FBLN2: variants seen among roughly 807,000 people sequenced by gnomAD.
The protein encoded by FBLN2 is fibulin 2.
Under a neutral mutation model 123.7 loss-of-function variants are expected in FBLN2, and 81 were observed. That is an observed-to-expected ratio of 0.65 (90% CI 0.55 to 0.79). FBLN2 has a LOEUF of 0.79. Ranked by LOEUF, FBLN2 falls within the 30% of genes least tolerant of loss-of-function variation. The pLI, the probability that FBLN2 is intolerant of heterozygous loss-of-function variation, is 0.00. For synonymous variants in FBLN2, 699 were observed against 701.4 expected (o/e 1.00, Z 0.05); for missense variants, 1,603 against 1,681.3 (o/e 0.95, Z 0.81).
chr3:13,575,080 C>T (rs1006279430), intron 2 of FBLN2, among the ~76,000 whole-genome samples: 14 of 152,260 alleles, frequency 9.2e-5, no homozygotes, highest in Middle Eastern at 6.8e-3. Context: ...TGAGGACAGA[C>T]GGTGACTAAT....
Position 13,603,720 on chromosome 3 carries a change from A to T in FBLN2, c.1307-4342A>T, listed in dbSNP as rs1405710186. Among the ~76,000 whole-genome samples the T allele has an allele frequency of 5.3e-5, 8 of 152,308 alleles. No homozygotes were observed. The East Asian group carries it at 1.5e-3, about 29-fold the overall frequency. Reference sequence around the variant, plus strand: ...ATACGTGTGCATGTGTCTTTATAGCAGCATGATTTATAATCCTTTGGGTAT... The same window carrying T: ...ATACGTGTGCATGTGTCTTTATAGCTGCATGATTTATAATCCTTTGGGTAT... On this transcript the variant is annotated intron_variant, in intron 2 of 17. Transcript: ENST00000404922.
intron 5 of FBLN2, among the ~76,000 whole-genome samples, chr3:13,614,509 A>G (rs1016843541): frequency 1.3e-5 from 2 of 151,234 alleles, no homozygotes; most frequent in Non-Finnish European, 2.9e-5. Flanking sequence ...CCATCCTCCC[A>G]TCCTCTTGTC....
intron 1 of FBLN2, among the ~76,000 whole-genome samples, chr3:13,549,578 C>G (rs1703268171): frequency 6.6e-6 from 1 of 150,776 alleles, no homozygotes; most frequent in Non-Finnish European, 1.5e-5. Flanking sequence ...CTGCCCACCC[C>G]CACCCCGACC....
chr3:13,566,258 C>T (rs1007518014), intron 1 of FBLN2, among the ~76,000 whole-genome samples: 2 of 152,172 alleles, frequency 1.3e-5, no homozygotes, highest in East Asian at 1.9e-4. Flanking sequence ...GCTGGAGCTC[C>T]CAGGAGGGGC....
In FBLN2 at chr3:13,621,903, A is replaced by G. The variant is rs1705865384; in HGVS notation, c.2284A>G (p.Arg762Gly). ...CADGYILNAH[R>G]KCVDINECVT... ...CGATGGCTATATCCTCAATGCGCAC[A>G]GGAAGTGCGTGGGTAAGCCAGGGCC... Residue 762 changes from arginine to glycine, a missense_variant, in exon 9 of 18, where the codon AGG becomes GGG. Coordinates refer to ENST00000404922, the MANE Select transcript of FBLN2 (RefSeq NM_001004019.2). 5 of 1,613,040 alleles carry G rather than the reference A, an allele frequency of 3.1e-6. No homozygotes were observed. Among genetic ancestry groups the G allele is most frequent in the Non-Finnish European group, 3.4e-6 (4 of 1,179,574 alleles).
intron 2 of FBLN2, among the ~76,000 whole-genome samples, chr3:13,574,686 C>T (rs142798783): frequency 0.014 from 2,132 of 152,290 alleles, 20 homozygotes; most frequent in Non-Finnish European, 0.021. Context: ...CCCATTACCT[C>T]CCTTTCTGCA....
intron 2 of FBLN2, among the ~76,000 whole-genome samples, chr3:13,599,620 G>A (rs1704957204): frequency 6.6e-6 from 1 of 151,986 alleles, no homozygotes; most frequent in Non-Finnish European, 1.5e-5. Context: ...AGGAGGGCAG[G>A]AGGGGGTGGT....
chr3:13,586,344 C>T (rs1212702364), intron 2 of FBLN2, among the ~76,000 whole-genome samples: 1 of 151,664 alleles, frequency 6.6e-6, no homozygotes, highest in Non-Finnish European at 1.5e-5. Context: ...GCCACCACGC[C>T]AGGCTAATTT....
At chr3:13,607,142 C>T (rs534622760) in intron 2 of FBLN2, among the ~76,000 whole-genome samples, 38 of 152,176 alleles carry the variant, frequency 2.5e-4, no homozygotes, top group Non-Finnish European at 4.3e-4. Flanking sequence ...TGCCTGCCAC[C>T]GTGCCTGGCT....
At chr3:13,633,687 C>T (rs7638202) in intron 16 of FBLN2, among the ~76,000 whole-genome samples, 2,798 of 152,256 alleles carry the variant, frequency 0.018, 88 homozygotes, top group African/African-American at 0.063. Flanking sequence ...ATAATGTCCC[C>T]GTTAGCCTTT....
rs1335007313 is a variant in FBLN2, at chr3:13,549,638, G to T, written c.-42+430G>T. On this transcript the variant is annotated intron_variant, in intron 1 of 17. Transcript: ENST00000404922. ...CCAGAGGGCCGGGTCAACCCCCTCGGGGAAAGAAGACTAGAGTCCCTGGTC... is the reference window on the plus strand; with the variant it reads ...CCAGAGGGCCGGGTCAACCCCCTCGTGGAAAGAAGACTAGAGTCCCTGGTC... Among the ~76,000 whole-genome samples the T allele has an allele frequency of 3.6e-5, 5 of 140,616 alleles. No homozygotes were observed. In the Admixed American group the frequency reaches 3.7e-4, roughly 10 times the overall value. 92.2% of individuals were successfully genotyped at this position (140,616 alleles called of 152,430 possible). A position where few individuals can be genotyped will look rare whatever the true frequency, so the allele number is the denominator to read the frequency against.
At chr3:13,632,690 C>T (rs949495671) in intron 16 of FBLN2, among the ~76,000 whole-genome samples, 2 of 152,120 alleles carry the variant, frequency 1.3e-5, no homozygotes, top group African/African-American at 4.8e-5. Flanking sequence ...CACAAGGAGT[C>T]CTTTGTGTGG....
intron 1 of FBLN2, among the ~76,000 whole-genome samples, chr3:13,556,321 G>A (rs903722987): frequency 7.9e-5 from 12 of 152,042 alleles, no homozygotes; most frequent in African/African-American, 2.7e-4. Flanking sequence ...AAGGTGGGGG[G>A]TGGGAAGCGG....
chr3:13,637,331 G>A (rs576058921), intron 17 of FBLN2, among the ~76,000 whole-genome samples: 1 of 152,346 alleles, frequency 6.6e-6, no homozygotes, highest in South Asian at 2.1e-4. Flanking sequence ...AGCCTGGCCA[G>A]TGCCATGCTA....
At chr3:13,601,830 C>G (rs1705042987) in intron 2 of FBLN2, among the ~76,000 whole-genome samples, 2 of 152,214 alleles carry the variant, frequency 1.3e-5, no homozygotes, top group African/African-American at 2.4e-5. Flanking sequence ...GAGACAAGGT[C>G]TTTGTCACCC....
At chr3:13,631,233 C>G in intron 15 of FBLN2, 96 bp from the exon 16 acceptor site, 1 of 1,467,494 alleles carries the variant, frequency 6.8e-7, no homozygotes, top group South Asian at 1.3e-5. Context: ...AAATGGGCCC[C>G]TAAGCTCTAT....
At chr3:13,593,303 T>C (rs1477871818) in intron 2 of FBLN2, among the ~76,000 whole-genome samples, 1 of 152,238 alleles carries the variant, frequency 6.6e-6, no homozygotes, top group Non-Finnish European at 1.5e-5. Context: ...CACACTCACA[T>C]TGTGATATAA....
At chr3:13,556,846 G>A (rs752732423) in intron 1 of FBLN2, among the ~76,000 whole-genome samples, 2 of 152,166 alleles carry the variant, frequency 1.3e-5, no homozygotes, top group Non-Finnish European at 2.9e-5. Context: ...TGTGTCTGAG[G>A]CTATTCAGGA....
rs1241200044 is a variant in FBLN2 at position 13,626,560 on chromosome 3, C to G, written c.2412C>G (p.Leu804=). The G allele has an allele frequency of 3.9e-6, 6 of 1,550,154 alleles. No individual in the cohort carries two copies. In the South Asian group the frequency reaches 7.1e-5, roughly 18 times the overall value. The part of the protein sequence containing the change: ...KALTCEPGYA[L]KDGECEDVDE... ...TCACCTGTGAGCCAGGCTATGCCCT[C>G]AAGGATGGCGAGTGCGAAGGTGAGA... Residue 804 remains leucine (L), a synonymous_variant, in exon 10 of 18, where the codon CTC becomes CTG. Coordinates refer to ENST00000404922, the MANE Select transcript of FBLN2 (RefSeq NM_001004019.2).
Sources: gnomAD v4.1 joint callset for allele counts (sites outside exome capture counted in the v4.1 genomes callset) on GRCh38, gnomAD v4.1.1 for gene constraint, MANE v1.5 for transcripts, NCBI Gene and HGNC (gene_info 2026-07-23, HGNC 2026-07-21) for gene names.